Variants in GRAMD2B observed in about 807,000 individuals in gnomAD.
GRAMD2B encodes GRAM domain containing 2B.
A neutral mutation model predicts 59.2 loss-of-function variants in GRAMD2B; 41 were observed. That is an observed-to-expected ratio of 0.69 (90% CI 0.54 to 0.90). The LOEUF is 0.90. Ranked by LOEUF, GRAMD2B falls within the 40% of genes least tolerant of loss-of-function variation. The pLI is 0.00. For synonymous variants in GRAMD2B, 161 were observed against 182.7 expected (o/e 0.88, Z 0.96); for missense variants, 424 against 500.5 (o/e 0.85, Z 1.46).
At chr5:126,448,480 A>G (rs1469615423) in intron 1 of GRAMD2B, among the ~76,000 whole-genome samples, 4 of 152,148 alleles carry the variant, frequency 2.6e-5, no homozygotes, top group African/African-American at 9.7e-5. Context: ...TCCTGTAGGC[A>G]ACAGAGAACC....
chr5:126,462,876 G>A (rs1767626948), intron 1 of GRAMD2B, among the ~76,000 whole-genome samples: 1 of 152,158 alleles, frequency 6.6e-6, no homozygotes, highest in Admixed American at 6.5e-5. Context: ...GAAGTGAAGT[G>A]GAGAGTATGT....
At chr5:126,360,255 G>A in exon 1 of GRAMD2B, 2 of 1,496,202 alleles carry the variant, frequency 1.3e-6, no homozygotes, top group Non-Finnish European at 1.8e-6. Flanking sequence ...AGCTGTGGTT[G>A]GGCAGATCTG....
chr5:126,412,883 G>A (rs1758939099), intron 1 of GRAMD2B, among the ~76,000 whole-genome samples: 1 of 151,926 alleles, frequency 6.6e-6, no homozygotes, highest in Non-Finnish European at 1.5e-5. Context: ...CTAGAGTTTA[G>A]TTTATATGTA....
exon 1 of GRAMD2B, chr5:126,360,272 A>C (rs918203031): frequency 3.4e-5 from 53 of 1,542,622 alleles, no homozygotes; most frequent in African/African-American, 1.1e-4. Context: ...TCTGGTGTAA[A>C]TACAAAGTTC....
At chr5:126,461,713 T>G (rs1357891849) in intron 1 of GRAMD2B, among the ~76,000 whole-genome samples, 1 of 152,102 alleles carries the variant, frequency 6.6e-6, no homozygotes, top group Non-Finnish European at 1.5e-5. Flanking sequence ...GGCAGGAGAA[T>G]CACTTGAACC....
intron 1 of GRAMD2B, among the ~76,000 whole-genome samples, chr5:126,405,383 T>C (rs115932872): frequency 0.015 from 2,247 of 152,026 alleles, 48 homozygotes; most frequent in African/African-American, 0.051. Context: ...ACAACTAAAT[T>C]ATCAGTTGTG....
At chr5:126,382,437 T>C (rs1033685969) in intron 1 of GRAMD2B, among the ~76,000 whole-genome samples, 1 of 152,188 alleles carries the variant, frequency 6.6e-6, no homozygotes, top group Non-Finnish European at 1.5e-5. Context: ...CAAAAACTTG[T>C]CTTCACGTTC....
chr5:126,362,558 T>C (rs562346571), intron 1 of GRAMD2B, among the ~76,000 whole-genome samples: 9 of 152,302 alleles, frequency 5.9e-5, no homozygotes, highest in Non-Finnish European at 1.3e-4. Flanking sequence ...GGCCTTGGAC[T>C]TATGTAGACA....
chr5:126,360,308 TGAAGA>T (rs2149680645), exon 1 of GRAMD2B: 2 of 1,550,546 alleles, frequency 1.3e-6, no homozygotes, highest in East Asian at 4.9e-5. Flanking sequence ...CAGAGTTTCT[TGAAGA>T]TCACCTGGCC....
intron 5 of GRAMD2B, among the ~76,000 whole-genome samples, chr5:126,474,445 A>G (rs1770192397): frequency 6.6e-6 from 1 of 152,202 alleles, no homozygotes; most frequent in African/African-American, 2.4e-5. Flanking sequence ...ATATAGAGCT[A>G]TGTTTAGCTA....
upstream of GRAMD2B, among the ~76,000 whole-genome samples, chr5:126,366,472 C>A (rs1049740412): frequency 6.6e-6 from 1 of 152,206 alleles, no homozygotes; most frequent in East Asian, 1.9e-4. Flanking sequence ...AGATCCTAAT[C>A]TTCATTGTCA....
upstream of GRAMD2B, among the ~76,000 whole-genome samples, chr5:126,370,386 T>C (rs573385302): frequency 1.3e-5 from 2 of 152,150 alleles, no homozygotes; most frequent in African/African-American, 2.4e-5. Context: ...AATCAGAAAC[T>C]GTGTACTTCT....
At chr5:126,363,116 A>G (rs534018619) in intron 1 of GRAMD2B, among the ~76,000 whole-genome samples, 2 of 152,326 alleles carry the variant, frequency 1.3e-5, no homozygotes, top group South Asian at 2.1e-4. Context: ...CATACGAGTC[A>G]ATAATAAAAA....
intron 1 of GRAMD2B, among the ~76,000 whole-genome samples, chr5:126,415,407 T>G (rs1355515298): frequency 6.6e-6 from 1 of 152,188 alleles, no homozygotes; most frequent in Non-Finnish European, 1.5e-5. Flanking sequence ...AACTCACTTA[T>G]AGCAATCATG....
intron 1 of GRAMD2B, among the ~76,000 whole-genome samples, chr5:126,388,551 G>A (rs1423817985): frequency 6.6e-6 from 1 of 150,872 alleles, no homozygotes; most frequent in African/African-American, 2.4e-5. Flanking sequence ...ATTCCATTGT[G>A]GAATCAATCA....
intron 1 of GRAMD2B, among the ~76,000 whole-genome samples, chr5:126,426,241 T>G (rs1006181513): frequency 3.9e-5 from 6 of 152,170 alleles, no homozygotes; most frequent in African/African-American, 1.4e-4. Context: ...ATGCCAAACA[T>G]AGGAGCAAAT....
At chr5:126,390,389 T>A (rs1329457842) in intron 1 of GRAMD2B, among the ~76,000 whole-genome samples, 1 of 151,942 alleles carries the variant, frequency 6.6e-6, no homozygotes, top group African/African-American at 2.4e-5. Context: ...AGGAAAGGAG[T>A]TTTGTTTGTT....
At chr5:126,460,256 C>T (rs1199799339) in intron 1 of GRAMD2B, among the ~76,000 whole-genome samples, 1 of 152,044 alleles carries the variant, frequency 6.6e-6, no homozygotes, top group Admixed American at 6.6e-5. Context: ...AGAGTAGGTG[C>T]CTTTGTGGAG....
intron 1 of GRAMD2B, among the ~76,000 whole-genome samples, chr5:126,393,562 A>T (rs1413175046): frequency 6.6e-6 from 1 of 152,216 alleles, no homozygotes; most frequent in Non-Finnish European, 1.5e-5. Flanking sequence ...CCTGTAAGGC[A>T]TGTGGAAACC....
Sources: gnomAD v4.1 joint callset for allele counts (sites outside exome capture counted in the v4.1 genomes callset) on GRCh38, gnomAD v4.1.1 for gene constraint, MANE v1.5 for transcripts, NCBI Gene and HGNC (gene_info 2026-07-23, HGNC 2026-07-21) for gene names.